The following DPYD variants were observed in gnomAD, a reference collection of about 807,000 sequenced individuals.
The protein encoded by DPYD is dihydropyrimidine dehydrogenase.
A neutral mutation model predicts 116.2 loss-of-function variants in DPYD; 109 were observed. That is an observed-to-expected ratio of 0.94 (90% CI 0.80 to 1.10). The LOEUF (loss-of-function observed/expected upper bound fraction) is 1.10, where lower values mean the gene tolerates loss of function less well. DPYD is among the 50% of genes least tolerant of loss of function. The probability of loss-of-function intolerance (pLI) is 0.00; values close to 1 mark genes in which losing one functional copy is unlikely to be tolerated. For synonymous variants in DPYD, 440 were observed against 432.0 expected, an observed-to-expected ratio of 1.02 and a Z score of -0.23; for missense variants, 1,302 against 1,254.5, an observed-to-expected ratio of 1.04 and a Z score of -0.57.
rs202170861 is a variant in DPYD at position 97,442,470 on chromosome 1, T to TA, written c.1905+7588dup. Among the ~76,000 whole-genome samples, 1,209 of 151,828 alleles carry TA rather than the reference T, an allele frequency of 8.0e-3. 13 individuals carry two copies. The highest frequency in any genetic ancestry group is 0.017 in the Middle Eastern group (5 of 294). On this transcript the variant is annotated intron_variant, in intron 14 of 22. Transcript: ENST00000370192. Reference sequence around the variant, plus strand: ...TCACAGAACTGTGAGCCATATTACATATTCTGATTCATTTTTTGCTACCCT... The same window carrying TA: ...TCACAGAACTGTGAGCCATATTACATAATTCTGATTCATTTTTTGCTACCCT...
chr1:97,096,540 T>A (rs189922747), intron 21 of DPYD, among the ~76,000 whole-genome samples: 88 of 152,260 alleles, frequency 5.8e-4, no homozygotes, highest in Non-Finnish European at 1.1e-3. Context: ...GAACTTTTCT[T>A]ACAAGAGGAT....
At chr1:97,834,680 G>A (rs978389039) in intron 2 of DPYD, among the ~76,000 whole-genome samples, 31 of 151,586 alleles carry the variant, frequency 2.0e-4, no homozygotes, top group African/African-American at 6.3e-4. Context: ...CTTTTCTTTA[G>A]GACATAAAGT....
chr1:97,718,016 C>A (rs1267439311), intron 5 of DPYD, among the ~76,000 whole-genome samples: 1 of 152,012 alleles, frequency 6.6e-6, no homozygotes, highest in Non-Finnish European at 1.5e-5. Flanking sequence ...AACGTTAGAT[C>A]AACTTTTAGT....
rs559472102 is a variant in DPYD, at chr1:97,300,086, A to G, written c.2299+5173T>C. Among the ~76,000 whole-genome samples the G allele has an allele frequency of 2.0e-5, 3 of 152,260 alleles. No homozygotes were observed. In the South Asian group the frequency reaches 6.2e-4, roughly 32 times the overall value. ...TGTTCTGCAAATATAGTACATACATATTTGTATAACAAGTTCTTTAATAGT... is the reference window on the plus strand; with the variant it reads ...TGTTCTGCAAATATAGTACATACATGTTTGTATAACAAGTTCTTTAATAGT... On this transcript the variant is annotated intron_variant, in intron 18 of 22. Coordinates refer to ENST00000370192, the MANE Select transcript of DPYD (RefSeq NM_000110.4).
chr1:97,532,955 T>A (rs1214567962), intron 12 of DPYD, among the ~76,000 whole-genome samples: 1 of 151,834 alleles, frequency 6.6e-6, no homozygotes, highest in Non-Finnish European at 1.5e-5. Context: ...TTATTGTTCA[T>A]CGATGTTTAA....
chr1:97,421,346 G>A (rs1557700463), intron 14 of DPYD, among the ~76,000 whole-genome samples: 1 of 152,066 alleles, frequency 6.6e-6, no homozygotes, highest in African/African-American at 2.4e-5. Flanking sequence ...CTATTTGCAT[G>A]AAAAACCATT....
chr1:97,536,595 C>G (rs956730890), intron 12 of DPYD, among the ~76,000 whole-genome samples: 7 of 152,158 alleles, frequency 4.6e-5, no homozygotes, highest in African/African-American at 1.7e-4. Context: ...CATTTTTATT[C>G]TTTAAGTGCA....
In DPYD at chr1:97,443,719, C is replaced by T. The variant is rs550417755; in HGVS notation, c.1905+6340G>A. On this transcript the variant is annotated intron_variant, in intron 14 of 22. Coordinates refer to ENST00000370192, the MANE Select transcript of DPYD (RefSeq NM_000110.4). ...GCACTAGCCATTGCTGGCCTGACAA[C>T]AGATATAGTTTCACCTGTTACAAAA... 2.0e-5 allele frequency among the ~76,000 whole-genome samples: 3 copies of T among 152,320 alleles called. No individual in the cohort carries two copies. The South Asian group carries it at 6.2e-4, about 32-fold the overall frequency.
At chr1:97,292,345 A>T (rs570831534) in intron 18 of DPYD, among the ~76,000 whole-genome samples, 9 of 152,144 alleles carry the variant, frequency 5.9e-5, no homozygotes, top group Non-Finnish European at 1.2e-4. Flanking sequence ...GAAACTTACA[A>T]TCATGTCAGA....
intron 10 of DPYD, among the ~76,000 whole-genome samples, chr1:97,585,602 T>C (rs1238574671): frequency 6.6e-6 from 1 of 152,244 alleles, no homozygotes; most frequent in Non-Finnish European, 1.5e-5. Context: ...TTTAAAACAA[T>C]GACAATTCTT....
intron 13 of DPYD, among the ~76,000 whole-genome samples, chr1:97,495,564 G>A (rs1679214112): frequency 6.6e-6 from 1 of 151,938 alleles, no homozygotes; most frequent in Non-Finnish European, 1.5e-5. Flanking sequence ...TATTACATTA[G>A]CATTTGAATC....
chr1:97,806,173 T>C (rs1287600844), intron 3 of DPYD, among the ~76,000 whole-genome samples: 2 of 151,918 alleles, frequency 1.3e-5, no homozygotes, highest in East Asian at 1.9e-4. Context: ...TCACCAAGAA[T>C]AGACCACATG....
intron 20 of DPYD, among the ~76,000 whole-genome samples, chr1:97,186,709 C>T (rs746081534): frequency 6.6e-6 from 1 of 151,976 alleles, no homozygotes; most frequent in African/African-American, 2.4e-5. Flanking sequence ...ATTAGCTGGG[C>T]GTGGTGGCAG....
intron 20 of DPYD, among the ~76,000 whole-genome samples, chr1:97,177,892 T>C (rs1002989493): frequency 2.6e-5 from 4 of 152,034 alleles, no homozygotes; most frequent in Non-Finnish European, 5.9e-5. Flanking sequence ...GCTGGGAGAT[T>C]TGGTATCTGG....
At position 97,556,800 on chromosome 1, in the gene DPYD, A is replaced by G. The variant is rs963291379; in HGVS notation, c.1340-7056T>C. Among the ~76,000 whole-genome samples, 12 of 151,448 alleles carry G rather than the reference A, an allele frequency of 7.9e-5. No individual in the cohort carries two copies. In the East Asian group the frequency reaches 2.1e-3, roughly 27 times the overall value. Reference sequence around the variant, plus strand: ...TTCCAAGTCTTTGCTATTGTGAATAATGTCGCAATAAACATACATGTGCAT... The same window carrying G: ...TTCCAAGTCTTTGCTATTGTGAATAGTGTCGCAATAAACATACATGTGCAT... On this transcript the variant is annotated intron_variant, in intron 11 of 22. Coordinates refer to ENST00000370192, the MANE Select transcript of DPYD (RefSeq NM_000110.4).
chr1:97,866,336 G>T (rs1480249861), intron 2 of DPYD, among the ~76,000 whole-genome samples: 1 of 151,868 alleles, frequency 6.6e-6, no homozygotes, highest in African/African-American at 2.4e-5. Context: ...TGAGTTAGAG[G>T]TATGACAACA....
At chr1:97,087,366 G>A (rs1481926457) in intron 21 of DPYD, among the ~76,000 whole-genome samples, 2 of 152,328 alleles carry the variant, frequency 1.3e-5, no homozygotes, top group East Asian at 3.9e-4. Context: ...GACATCTTAA[G>A]TTTAAATTTG....
intron 20 of DPYD, among the ~76,000 whole-genome samples, chr1:97,177,650 A>C (rs768917485): frequency 5.3e-5 from 8 of 151,358 alleles, no homozygotes; most frequent in Non-Finnish European, 1.0e-4. Context: ...GAAAGTATGT[A>C]TATTGTCCAA....
chr1:97,426,917 T>C (rs545037083), intron 14 of DPYD, among the ~76,000 whole-genome samples: 50 of 152,208 alleles, frequency 3.3e-4, no homozygotes, highest in African/African-American at 1.1e-3. Flanking sequence ...TATAATGTCT[T>C]TAACTTTTTA....
Sources: allele counts gnomAD v4.1 joint callset (sites outside exome capture counted in the v4.1 genomes callset), GRCh38; gene constraint gnomAD v4.1.1; transcripts MANE v1.5; gene names NCBI Gene and HGNC (gene_info 2026-07-23, HGNC 2026-07-21).